SLC39A12: variants seen among roughly 807,000 people sequenced by gnomAD.
SLC39A12 encodes zinc transporter ZIP12.
A neutral mutation model predicts 71.1 loss-of-function variants in SLC39A12; 63 were observed. The observed-to-expected ratio is 0.89, with a 90% CI of 0.72 to 1.09. The LOEUF is 1.09. Ranked by LOEUF, SLC39A12 falls within the 50% of genes least tolerant of loss-of-function variation. The pLI is 0.00. For missense variants in SLC39A12, 892 were observed against 812.6 expected (o/e 1.10, Z -1.19); for synonymous variants, 351 against 301.3 (o/e 1.16, Z -1.71).
chr10:18,036,616 G>T (rs948623650), intron 12 of SLC39A12, among the ~76,000 whole-genome samples: 12 of 151,424 alleles, frequency 7.9e-5, no homozygotes, highest in African/African-American at 2.9e-4. Flanking sequence ...CTTCTGCGTC[G>T]CTCACGCTGG....
intron 12 of SLC39A12, among the ~76,000 whole-genome samples, chr10:18,022,856 T>A (rs1836572738): frequency 6.6e-6 from 1 of 152,214 alleles, no homozygotes; most frequent in Admixed American, 6.5e-5. Flanking sequence ...AGTTCTTTTT[T>A]TGTGGCTGAA....
intron 4 of SLC39A12, among the ~76,000 whole-genome samples, chr10:17,977,573 T>G (rs1835141568): frequency 6.6e-6 from 1 of 152,226 alleles, no homozygotes; most frequent in African/African-American, 2.4e-5. Flanking sequence ...GGCTTTTCTT[T>G]CTTTTGCATA....
rs1250671438 is a variant in SLC39A12, at chr10:17,978,024, T to C, written c.874T>C (p.Ser292Pro). The stretch of plus-strand genomic sequence containing the variant: ...CCATGATCAGGACTATTCTAATTTC[T>C]CTTCATCCATGGAAAAAGAGTCTGA... ...ITHDQDYSNF[S>P]SSMEKESEDG... is the part of the protein sequence containing the mutation. The change falls in exon 5 of 13, where the codon TCT (serine) becomes CCT (proline). Residue 292 changes from serine to proline, a missense_variant. By Grantham distance (74) the Ser-to-Pro change is moderately conservative. Transcript: ENST00000377369. The C allele has an allele frequency of 4.4e-6, 7 of 1,604,560 alleles. No homozygotes were observed. Among genetic ancestry groups the C allele is most frequent in the African/African-American group, 2.7e-5 (2 of 74,372 alleles).
chr10:18,037,915 G>A (rs1309187064), intron 12 of SLC39A12, among the ~76,000 whole-genome samples: 1 of 150,310 alleles, frequency 6.7e-6, no homozygotes, highest in Non-Finnish European at 1.5e-5. Context: ...AGCTACGTGG[G>A]CGACTGAGGC....
intron 12 of SLC39A12, among the ~76,000 whole-genome samples, chr10:18,032,986 C>T (rs1836893655): frequency 6.6e-6 from 1 of 150,866 alleles, no homozygotes; most frequent in African/African-American, 2.5e-5. Flanking sequence ...AGCCTTGCAT[C>T]CCAGGGATGA....
chr10:18,002,314 C>A (rs1042733223), intron 11 of SLC39A12: 34 of 152,008 alleles, frequency 2.2e-4, no homozygotes, highest in African/African-American at 8.0e-4. Context: ...ATTGACCTAT[C>A]CTTCTTGGAG....
At chr10:17,982,601 A>G (rs1441668458) in intron 6 of SLC39A12, among the ~76,000 whole-genome samples, 4 of 152,192 alleles carry the variant, frequency 2.6e-5, no homozygotes, top group African/African-American at 9.6e-5. Context: ...AAGATTCTAC[A>G]TTCACTAAGA....
Position 17,978,019 on chromosome 10 carries a change from A to T in SLC39A12, c.869A>T (p.Asn290Ile). 2 of 1,604,768 alleles carry T rather than the reference A, an allele frequency of 1.2e-6. No individual in the cohort carries two copies. The highest frequency in any genetic ancestry group is 8.5e-7 in the Non-Finnish European group (1 of 1,176,532). Residue 290 changes from asparagine (N) to isoleucine (I), a missense_variant, in exon 5 of 13, where the codon AAT becomes ATT. Physicochemically the swap from Asn to Ile is moderately radical, Grantham distance 149. Transcript: ENST00000377369. ...NIITHDQDYS[N>I]FSSSMEKESE... ...ATAACCCATGATCAGGACTATTCTA[A>T]TTTCTCTTCATCCATGGAAAAAGAG...
rs1837309936 is a variant in SLC39A12, at chr10:18,043,278, A to G, written c.*445A>G. 1 of 153,380 alleles carries G rather than the reference A, an allele frequency of 6.5e-6. No individual in the cohort carries two copies. Among genetic ancestry groups the G allele is most frequent in the Non-Finnish European group, 1.5e-5 (1 of 68,642 alleles). The allele number at this position is 153,380 out of a possible 1,614,324, so 9.5% of individuals were successfully genotyped here. A position where few individuals can be genotyped will look rare whatever the true frequency, so the allele number is the denominator to read the frequency against. On this transcript the variant is annotated 3_prime_UTR_variant, in exon 13 of 13. Transcript: ENST00000377369. ...GTGACAAGCAAATGTAATAAAGACT[A>G]GTTTTAATATGGTGGTTTTTATTAC...
At chr10:18,005,936 A>G (rs909756781) in intron 12 of SLC39A12, 3 of 152,176 alleles carry the variant, frequency 2.0e-5, no homozygotes, top group African/African-American at 7.2e-5. Flanking sequence ...AGCAACTTCT[A>G]AACAAACGCA....
At chr10:18,036,790 A>ATTTTTTTTTTTTTTTTTTTTT (rs1464293480) in intron 12 of SLC39A12, among the ~76,000 whole-genome samples, 1 of 69,248 alleles carries the variant, frequency 1.4e-5, no homozygotes, top group Non-Finnish European at 2.6e-5. Context: ...ATATATATAT[A>ATTTTTTTTTTTTTTTTTTTTT]TATATTTTTT....
chr10:18,042,449 A>G (rs1335782531), intron 12 of SLC39A12, among the ~76,000 whole-genome samples: 4 of 108,968 alleles, frequency 3.7e-5, no homozygotes. Flanking sequence ...CAGGGCAAAG[A>G]CCCTGCCTCA....
At chr10:17,974,118 T>C (rs1478436565) in intron 4 of SLC39A12, among the ~76,000 whole-genome samples, 1 of 152,002 alleles carries the variant, frequency 6.6e-6, no homozygotes, top group East Asian at 1.9e-4. Flanking sequence ...TTCTTTTTAA[T>C]AATTTTAATC....
At chr10:18,035,907 G>T (rs976086285) in intron 12 of SLC39A12, among the ~76,000 whole-genome samples, 1 of 152,084 alleles carries the variant, frequency 6.6e-6, no homozygotes, top group African/African-American at 2.4e-5. Context: ...ATACCCTGCC[G>T]TGTGAGGTGT....
At chr10:17,995,026 C>T (rs551179728) in intron 9 of SLC39A12, among the ~76,000 whole-genome samples, 3 of 152,216 alleles carry the variant, frequency 2.0e-5, no homozygotes, top group African/African-American at 7.2e-5. Context: ...CGTAATCTTA[C>T]CTCATAAAGT....
intron 12 of SLC39A12, chr10:18,008,776 C>T (rs2497765): frequency 1.3e-5 from 2 of 152,034 alleles, no homozygotes; most frequent in African/African-American, 4.8e-5. Flanking sequence ...TACTGTTTCT[C>T]TCCTAATCGC....
intron 12 of SLC39A12, among the ~76,000 whole-genome samples, chr10:18,022,799 G>T (rs966024681): frequency 6.6e-6 from 1 of 152,118 alleles, no homozygotes. Context: ...GAGCCTGGTC[G>T]GTTAGCTTCA....
chr10:18,025,701 C>T (rs955352028), intron 12 of SLC39A12, among the ~76,000 whole-genome samples: 3 of 152,182 alleles, frequency 2.0e-5, no homozygotes, highest in East Asian at 3.9e-4. Flanking sequence ...CATACGTGTG[C>T]ATGTGTCTTT....
intron 12 of SLC39A12, chr10:18,007,099 A>T (rs1191474000): frequency 3.3e-5 from 5 of 152,300 alleles, no homozygotes; most frequent in Admixed American, 2.0e-4. Flanking sequence ...AAGACTTCAT[A>T]GAAAACAATA....
Sources: allele counts gnomAD v4.1 joint callset (sites outside exome capture counted in the v4.1 genomes callset), GRCh38; gene constraint gnomAD v4.1.1; transcripts MANE v1.5; gene names NCBI Gene and HGNC (gene_info 2026-07-23, HGNC 2026-07-21).